BCAS3: variants seen among roughly 807,000 people sequenced by gnomAD.
BCAS3 encodes the protein BCAS3 microtubule associated cell migration factor.
BCAS3 carries 53 observed loss-of-function variants against 116.1 expected under a neutral mutation model. The observed-to-expected ratio is 0.46, with a 90% CI of 0.37 to 0.57. The LOEUF is 0.57. Ranked by LOEUF, BCAS3 falls within the 20% of genes least tolerant of loss-of-function variation. The pLI is 0.00. For missense variants in BCAS3, 917 were observed against 1,165.4 expected (o/e 0.79, Z 3.10); for synonymous variants, 391 against 408.2 (o/e 0.96, Z 0.51).
intron 23 of BCAS3, among the ~76,000 whole-genome samples, chr17:61,369,258 C>T (rs1019664176): frequency 5.9e-5 from 9 of 152,218 alleles, no homozygotes; most frequent in African/African-American, 2.2e-4. Flanking sequence ...GAGGCTGCCC[C>T]AGCAGGCCTC....
chr17:61,044,465 A>AAAAAAAAAAAAAAAAAAATATAT, intron 19 of BCAS3, among the ~76,000 whole-genome samples: 1 of 120,118 alleles, frequency 8.3e-6, no homozygotes, highest in African/African-American at 5.0e-5. Context: ...AAAAAAAAAA[A>AAAAAAAAAAAAAAAAAAATATAT]ATATATATAT....
At chr17:60,789,056 G>A (rs1288313554) in intron 6 of BCAS3, among the ~76,000 whole-genome samples, 2 of 152,046 alleles carry the variant, frequency 1.3e-5, no homozygotes, top group Non-Finnish European at 1.5e-5. Flanking sequence ...ACTTGGAAAT[G>A]GTTTAAATGA....
At chr17:61,311,312 C>G (rs968863306) in intron 22 of BCAS3, among the ~76,000 whole-genome samples, 4 of 152,156 alleles carry the variant, frequency 2.6e-5, no homozygotes. Context: ...TAATTTAAAA[C>G]CAACTTTCTT....
At chr17:61,287,148 T>C (rs1461817127) in intron 22 of BCAS3, among the ~76,000 whole-genome samples, 1 of 151,406 alleles carries the variant, frequency 6.6e-6, no homozygotes, top group Non-Finnish European at 1.5e-5. Context: ...CTGGGGAGGC[T>C]GAGGCAGGAG....
At chr17:61,295,735 G>A (rs1323657766) in intron 22 of BCAS3, among the ~76,000 whole-genome samples, 4 of 151,348 alleles carry the variant, frequency 2.6e-5, no homozygotes, top group Admixed American at 1.3e-4. Flanking sequence ...GGTGGATCAC[G>A]AGGTCAGGAG....
intron 7 of BCAS3, among the ~76,000 whole-genome samples, chr17:60,856,442 A>G (rs1469631846): frequency 6.6e-6 from 1 of 152,188 alleles, no homozygotes; most frequent in Non-Finnish European, 1.5e-5. Flanking sequence ...TATTCCCAGC[A>G]CTTTCGGGGG....
Position 61,282,305 on chromosome 17 carries a change from C to A in BCAS3, c.2426-86022C>A, listed in dbSNP as rs1346666711. 6.6e-6 allele frequency among the ~76,000 whole-genome samples: 1 copy of A among 152,100 alleles called. No homozygotes were observed. Among genetic ancestry groups the A allele is most frequent in the African/African-American group, 2.4e-5 (1 of 41,436 alleles). ...TATTGCTTCTTTGGGAATACCTTAC[C>A]GATGAGAAGGCTTTCCTGAGCCTTG... On this transcript the variant is annotated intron_variant, in intron 22 of 23. Coordinates refer to ENST00000407086, the MANE Select transcript of BCAS3 (RefSeq NM_017679.5). The surrounding 1 kb of genome is among the most constrained non-coding windows in gnomAD (Gnocchi z 5.9).
At chr17:60,761,804 T>C (rs139740585) in intron 6 of BCAS3, among the ~76,000 whole-genome samples, 9,363 of 110,706 alleles carry the variant, frequency 0.085, 1,468 homozygotes, top group African/African-American at 0.39. Context: ...ATGGTTGAAC[T>C]AGTTTATGCT....
At chr17:61,290,087 G>A (rs1568765618) in intron 22 of BCAS3, among the ~76,000 whole-genome samples, 1 of 152,146 alleles carries the variant, frequency 6.6e-6, no homozygotes, top group Non-Finnish European at 1.5e-5. Flanking sequence ...GGAGTGTGGT[G>A]GTGGAAAGAG....
chr17:61,319,277 T>C (rs1294225145), intron 22 of BCAS3, among the ~76,000 whole-genome samples: 2 of 152,242 alleles, frequency 1.3e-5, no homozygotes, highest in Non-Finnish European at 2.9e-5. Flanking sequence ...CTTGAAATCC[T>C]CAGAGAGCTT....
At chr17:60,843,029 A>G (rs2052111695) in intron 7 of BCAS3, among the ~76,000 whole-genome samples, 1 of 151,712 alleles carries the variant, frequency 6.6e-6, no homozygotes, top group Non-Finnish European at 1.5e-5. Flanking sequence ...ACAACACCAC[A>G]CCCAGCTAAT....
At chr17:61,284,649 T>A (rs1215702851) in intron 22 of BCAS3, among the ~76,000 whole-genome samples, 1 of 151,822 alleles carries the variant, frequency 6.6e-6, no homozygotes, top group Non-Finnish European at 1.5e-5. Context: ...AACTGCGTTT[T>A]TTTTTTTCCT....
At chr17:61,116,249 T>A (rs1052582626) in intron 22 of BCAS3, among the ~76,000 whole-genome samples, 17 of 19,506 alleles carry the variant, frequency 8.7e-4, no homozygotes, top group African/African-American at 1.0e-3. Context: ...AATAAAAAAA[T>A]AAATAAATAA....
chr17:60,727,278 G>A lies in BCAS3; in HGVS notation c.321+17953G>A, dbSNP rs112399776. ...CTGCAGTTAGGCTCAACACATTCTG[G>A]CCTTAGCACAGTCTTCTTTGTGGTC... is the stretch of plus-strand genomic sequence containing the variant. On this transcript the variant is annotated intron_variant, in intron 5 of 23. Coordinates refer to ENST00000407086, the MANE Select transcript of BCAS3 (RefSeq NM_017679.5). The A allele has an allele frequency of 8.4e-3, 9,232 of 1,096,350 alleles. 461 individuals are homozygous for A. The African/African-American group carries it at 0.11, about 13-fold the overall frequency. 67.9% of individuals were successfully genotyped at this position (1,096,350 alleles called of 1,614,324 possible).
chr17:61,176,670 A>C lies in BCAS3; in HGVS notation c.2425+92106A>C, dbSNP rs553615144. ...CCTCCTAGGCTCAAGTGATCCTCCCACCTCAGCCTCCCAAGTAGCTGGGAC... is the reference window on the plus strand; with the variant it reads ...CCTCCTAGGCTCAAGTGATCCTCCCCCCTCAGCCTCCCAAGTAGCTGGGAC... On this transcript the variant is annotated intron_variant, in intron 22 of 23. Coordinates refer to ENST00000407086, the MANE Select transcript of BCAS3 (RefSeq NM_017679.5). Among the ~76,000 whole-genome samples, 285 of 151,830 alleles carry C rather than the reference A, an allele frequency of 1.9e-3. 2 individuals are homozygous for C. The highest frequency in any genetic ancestry group is 6.5e-3 in the African/African-American group (268 of 41,416).
At chr17:60,757,209 G>T (rs2043070463) in intron 6 of BCAS3, among the ~76,000 whole-genome samples, 2 of 151,648 alleles carry the variant, frequency 1.3e-5, no homozygotes, top group South Asian at 2.1e-4. Flanking sequence ...TTAGCCACTT[G>T]GGGGGCTGAG....
At chr17:60,781,319 C>G (rs1461479211) in intron 6 of BCAS3, among the ~76,000 whole-genome samples, 1 of 151,740 alleles carries the variant, frequency 6.6e-6, no homozygotes, top group Non-Finnish European at 1.5e-5. Context: ...AATTTTCCAG[C>G]TGGCCATGGT....
chr17:61,117,697 G>GT (rs1212621393), intron 22 of BCAS3, among the ~76,000 whole-genome samples: 2 of 152,078 alleles, frequency 1.3e-5, no homozygotes, highest in Non-Finnish European at 2.9e-5. Context: ...AGGCTTTGGG[G>GT]TTTTTTAGAG....
chr17:60,836,504 G>A (rs978221883), intron 7 of BCAS3, among the ~76,000 whole-genome samples: 11 of 151,778 alleles, frequency 7.2e-5, no homozygotes, highest in South Asian at 4.2e-4. Context: ...TGTTGTTTGC[G>A]TTCCTTCTTT....
Sources: allele counts gnomAD v4.1 joint callset (sites outside exome capture counted in the v4.1 genomes callset), GRCh38; gene constraint gnomAD v4.1.1; non-coding constraint Gnocchi (gnomAD v3.1); transcripts MANE v1.5; gene names NCBI Gene and HGNC (gene_info 2026-07-23, HGNC 2026-07-21).